Variants in WWP2 observed in about 807,000 individuals in gnomAD.
WWP2 encodes WW domain containing E3 ubiquitin protein ligase 2.
Under a neutral mutation model 121.0 loss-of-function variants are expected in WWP2, and 57 were observed. The observed-to-expected ratio is 0.47, with a 90% CI of 0.38 to 0.59. WWP2 has a LOEUF of 0.59. WWP2 is among the 20% of genes least tolerant of loss of function. WWP2 has a pLI of 0.00. For missense variants in WWP2, 962 were observed against 1,158.9 expected (o/e 0.83, Z 2.47); for synonymous variants, 449 against 441.3 (o/e 1.02, Z -0.22).
chr16:69,818,425 T>C (rs1483178072), intron 4 of WWP2, among the ~76,000 whole-genome samples: 4 of 152,186 alleles, frequency 2.6e-5, no homozygotes, highest in Middle Eastern at 3.4e-3. Flanking sequence ...TAGGCTGGTC[T>C]CAAACACCTG....
intron 7 of WWP2, among the ~76,000 whole-genome samples, chr16:69,873,124 G>T (rs1165741979): frequency 6.6e-6 from 1 of 152,218 alleles, no homozygotes; most frequent in Non-Finnish European, 1.5e-5. Context: ...CAGAGGTGTG[G>T]CGTAAAGGCC....
chr16:69,775,928 A>G (rs1186400614), intron 1 of WWP2, among the ~76,000 whole-genome samples: 2 of 152,194 alleles, frequency 1.3e-5, no homozygotes, highest in African/African-American at 4.8e-5. Context: ...AACTGTTGGT[A>G]TCTGAGGCTT....
At chr16:69,841,159 T>TCTCCA (rs1426112881) in intron 5 of WWP2, among the ~76,000 whole-genome samples, 3 of 152,224 alleles carry the variant, frequency 2.0e-5, no homozygotes. Flanking sequence ...ATTCACATGG[T>TCTCCA]CTCCACTGCT....
intron 10 of WWP2, among the ~76,000 whole-genome samples, chr16:69,922,630 G>T (rs2058579898): frequency 6.6e-6 from 1 of 152,190 alleles, no homozygotes; most frequent in East Asian, 1.9e-4. Flanking sequence ...GAAGAGGAGG[G>T]GCAGCCGGTT....
chr16:69,777,364 G>A (rs1372320560), intron 1 of WWP2, among the ~76,000 whole-genome samples: 3 of 151,472 alleles, frequency 2.0e-5, no homozygotes, highest in Non-Finnish European at 2.9e-5. Flanking sequence ...GCAGTGGTGC[G>A]GTCTTGGCTT....
chr16:69,781,634 G>A (rs1048772816), intron 1 of WWP2, among the ~76,000 whole-genome samples: 1 of 152,094 alleles, frequency 6.6e-6, no homozygotes, highest in African/African-American at 2.4e-5. Context: ...ATAGGCGCCC[G>A]CTGGCTTTTA....
chr16:69,866,882 G>A (rs2057535468), intron 6 of WWP2, among the ~76,000 whole-genome samples: 2 of 151,786 alleles, frequency 1.3e-5, no homozygotes, highest in Admixed American at 1.3e-4. Context: ...CTGTCGCCCA[G>A]GCTGGAATGC....
At chr16:69,784,064 A>C (rs1255835657) in intron 1 of WWP2, among the ~76,000 whole-genome samples, 1 of 150,106 alleles carries the variant, frequency 6.7e-6, no homozygotes, top group Non-Finnish European at 1.5e-5. Context: ...GCAAGGTTAA[A>C]ACTCTTTTCT....
intron 23 of WWP2, 104 bp from the exon 24 acceptor site, chr16:69,939,737 C>A: frequency 2.8e-6 from 3 of 1,064,582 alleles, no homozygotes; most frequent in Admixed American, 2.3e-5. Flanking sequence ...TGAGCCCTAG[C>A]CAGTGTGGTG....
chr16:69,854,160 A>G (rs967134114), intron 6 of WWP2, among the ~76,000 whole-genome samples: 4 of 152,242 alleles, frequency 2.6e-5, no homozygotes, highest in African/African-American at 9.6e-5. Flanking sequence ...ATTGTGATCG[A>G]AAGGGGACAA....
intron 4 of WWP2, among the ~76,000 whole-genome samples, chr16:69,837,724 C>T (rs1285414396): frequency 2.0e-5 from 3 of 152,172 alleles, no homozygotes; most frequent in Non-Finnish European, 2.9e-5. Flanking sequence ...AGGAGCCTTC[C>T]GGAATGCTCA....
intron 1 of WWP2, among the ~76,000 whole-genome samples, chr16:69,766,694 C>T (rs1253421481): frequency 6.6e-6 from 1 of 152,090 alleles, no homozygotes; most frequent in Non-Finnish European, 1.5e-5. Context: ...CCCTTCCTTC[C>T]CTCACTTCCT....
intron 6 of WWP2, among the ~76,000 whole-genome samples, chr16:69,846,069 A>AAAAAAAAAAAAAAAAAAAAAAAAC (rs1335612452): frequency 6.7e-6 from 1 of 150,182 alleles, no homozygotes; most frequent in African/African-American, 2.5e-5. Flanking sequence ...AAAAAAAAAA[A>AAAAAAAAAAAAAAAAAAAAAAAAC]AGAATACTTA....
intron 2 of WWP2, among the ~76,000 whole-genome samples, chr16:69,798,396 A>C (rs1204114730): frequency 6.6e-6 from 1 of 152,320 alleles, no homozygotes; most frequent in African/African-American, 2.4e-5. Flanking sequence ...AATAAATAAA[A>C]GATGAAAATC....
At chr16:69,850,545 T>A (rs564097565) in intron 6 of WWP2, among the ~76,000 whole-genome samples, 1 of 152,264 alleles carries the variant, frequency 6.6e-6, no homozygotes, top group East Asian at 1.9e-4. Context: ...TACCTAGATA[T>A]GCCTGGGAGA....
chr16:69,848,277 C>T (rs1234011130), intron 6 of WWP2, among the ~76,000 whole-genome samples: 1 of 151,854 alleles, frequency 6.6e-6, no homozygotes, highest in Non-Finnish European at 1.5e-5. Context: ...ATGGAGAAAC[C>T]CCATCTCTTC....
intron 1 of WWP2, among the ~76,000 whole-genome samples, chr16:69,764,310 C>T (rs887462147): frequency 3.7e-4 from 56 of 152,170 alleles, no homozygotes; most frequent in African/African-American, 1.4e-3. Context: ...GGGTGATCCT[C>T]CCATGTCTGC....
intron 16 of WWP2, among the ~76,000 whole-genome samples, chr16:69,932,235 G>A (rs12444927): frequency 0.033 from 4,979 of 152,320 alleles, 269 homozygotes; most frequent in East Asian, 0.17. Flanking sequence ...AGGCTGAGGC[G>A]GGAGAATCGC....
At chr16:69,787,185 T>A (rs1442635282) in intron 2 of WWP2, 105 bp downstream of exon 2, 1 of 771,236 alleles carries the variant, frequency 1.3e-6, no homozygotes, top group Non-Finnish European at 2.0e-6. Context: ...ATAGTTTACA[T>A]GTGTTAATTA....
Sources: gnomAD v4.1 joint callset for allele counts (sites outside exome capture counted in the v4.1 genomes callset) on GRCh38, gnomAD v4.1.1 for gene constraint, MANE v1.5 for transcripts, NCBI Gene and HGNC (gene_info 2026-07-23, HGNC 2026-07-21) for gene names.